The following FASN variants were observed in gnomAD, a reference collection of about 807,000 sequenced individuals.
FASN encodes the protein fatty acid synthase, also known as 3-hydroxyacyl-[acyl-carrier-protein] dehydratase.
In FASN, 50 loss-of-function variants were observed where a neutral mutation model predicts 250.0. The ratio of observed to expected loss-of-function variants is 0.20; its 90% CI spans 0.16 to 0.25. FASN has a LOEUF of 0.25. Among genes scored for constraint, FASN ranks in the 10% least tolerant of loss-of-function variants. The pLI, the probability that FASN is intolerant of heterozygous loss-of-function variation, is 1.00. For missense variants in FASN, 3,031 were observed against 3,498.5 expected (o/e 0.87, Z 3.37); for synonymous variants, 1,909 against 1,584.0 (o/e 1.21, Z -4.87).
chr17:82,096,203 G>T, intron 2 of FASN, 116 bp downstream of exon 2: 1 of 1,524,404 alleles, frequency 6.6e-7, no homozygotes, highest in Non-Finnish European at 9.0e-7. Context: ...AGCTGGGACC[G>T]GCCTCAGGCC....
At chr17:82,088,942 C>T (rs752593097) in intron 14 of FASN, 27 bp downstream of exon 14, 38 of 1,607,464 alleles carry the variant, frequency 2.4e-5, no homozygotes, top group South Asian at 3.3e-5. Context: ...AGGCTCCCGG[C>T]GCCTGCTGCC....
In FASN at chr17:82,080,798, C is replaced by A. The variant is rs749658578; in HGVS notation, c.6720G>T (p.Ser2240=). The A allele has an allele frequency of 6.2e-7, 1 of 1,607,078 alleles. No individual in the cohort carries two copies. Among genetic ancestry groups the A allele is most frequent in the East Asian group, 2.2e-5 (1 of 44,674 alleles). Residue 2240 remains serine (S), a synonymous_variant, in exon 39 of 43, where the codon TCG becomes TCT. Transcript: ENST00000306749. ...GGTGCACCAGGAACAGGGGCCGCTC[C>A]GAGCTCTGCACGGAGTTGAGCCGCA... The part of the protein sequence containing the change: ...TLMRLNSVQS[S]ERPLFLVHPI...
At position 82,083,969 on chromosome 17, in the gene FASN, C is replaced by A; in HGVS notation, c.5098+6G>T. 3 of 1,541,828 alleles carry A rather than the reference C, an allele frequency of 1.9e-6. No homozygotes were observed. Among genetic ancestry groups the A allele is most frequent in the Non-Finnish European group, 2.6e-6 (3 of 1,146,074 alleles). On this transcript the variant is annotated splice_donor_region_variant and intron_variant, in intron 29 of 42. Transcript: ENST00000306749. Reference sequence around the variant, plus strand: ...GCAGCGGGAGGCACCGGGGGCGGGGCCTTACCCACGGTGGTGAAGACGCGG... The same window carrying A: ...GCAGCGGGAGGCACCGGGGGCGGGGACTTACCCACGGTGGTGAAGACGCGG...
chr17:82,079,684 CTT>C (rs904396780), intron 41 of FASN, 76 bp from the exon 42 acceptor site: 54 of 1,228,904 alleles, frequency 4.4e-5, no homozygotes, highest in Admixed American at 1.7e-4. Flanking sequence ...TGCGGGTGGG[CTT>C]TTTTTTTTTG....
In FASN at chr17:82,083,089, C is replaced by T. The variant is rs754336677; in HGVS notation, c.5592G>A (p.Val1864=). The T allele has an allele frequency of 2.0e-5, 33 of 1,611,018 alleles. No homozygotes were observed. The African/African-American group carries it at 4.1e-4, about 20-fold the overall frequency. ...TCAGCTTGGGTTTGGCCCCCTTCAG[C>T]ACTGCCTCCGGCTCCTCCGCAAGCA... is the stretch of plus-strand genomic sequence containing the variant. ...VQVLAEEPEA[V]LKGAKPKLMS... is the part of the protein sequence containing the mutation. Residue 1864 remains valine (V), a synonymous_variant, in exon 33 of 43, where the codon GTG becomes GTA. Transcript: ENST00000306749.
rs1369347991 is a variant in FASN, at chr17:82,091,258, G to A, written c.1456C>T (p.Pro486Ser). The A allele has an allele frequency of 3.1e-6, 5 of 1,602,126 alleles. No homozygotes were observed. Among genetic ancestry groups the A allele is most frequent in the Non-Finnish European group, 4.3e-6 (5 of 1,174,598 alleles). Residue 486 changes from proline to serine, a missense_variant, in exon 9 of 43, where the codon CCC (proline) becomes TCC (serine). By Grantham distance (74) the Pro-to-Ser change is moderately conservative. Coordinates refer to ENST00000306749, the MANE Select transcript of FASN (RefSeq NM_004104.5). The part of the protein sequence containing the change: ...ERGGPEVQQV[P>S]AGERPLWFIC... ...AACCAGAGCGGGCGCTCGCCAGCGG[G>A]CACCTGCTGCACCTCTGGGCCACCG...
chr17:82,086,475 G>T lies in FASN; in HGVS notation c.3511C>A (p.Arg1171=). Reference sequence around the variant, plus strand: ...GGCAGTTCCTGCTGTGAGGGGTCCCGGGGGATCTGGGCCCCATCCAGTCCG... The same window carrying T: ...GGCAGTTCCTGCTGTGAGGGGTCCCTGGGGATCTGGGCCCCATCCAGTCCG... ...VPGLDGAQIP[R]DPSQQELPRL... The change falls in exon 22 of 43, where the codon CGG becomes AGG. Residue 1171 remains arginine (R), a synonymous_variant. Coordinates refer to ENST00000306749, the MANE Select transcript of FASN (RefSeq NM_004104.5). 2 of 1,612,214 alleles carry T rather than the reference G, an allele frequency of 1.2e-6. No individual in the cohort carries two copies. Among genetic ancestry groups the T allele is most frequent in the South Asian group, 2.2e-5 (2 of 91,076 alleles).
Position 82,089,087 on chromosome 17 carries a change from G to A in FASN, c.2186C>T (p.Thr729Met), listed in dbSNP as rs202169855. Residue 729 changes from threonine to methionine, a missense_variant, in exon 14 of 43, where the codon ACG becomes ATG. Thr to Met is a moderately conservative substitution (Grantham distance 81, BLOSUM62 -1). Coordinates refer to ENST00000306749, the MANE Select transcript of FASN (RefSeq NM_004104.5). ...GTTGACATTGTACTCGGCGGAGGAC[G>A]TGCGTGCCAGGCTGCTGTGCCACTG... Reference protein sequence around the residue: ...EAQWHSSLARTSSAEYNVNNL... With the variant: ...EAQWHSSLARMSSAEYNVNNL... 2.0e-4 allele frequency: 312 copies of A among 1,576,564 alleles called. No homozygotes were observed. The highest frequency in any genetic ancestry group is 2.3e-4 in the Non-Finnish European group (264 of 1,161,968).
intron 3 of FASN, 45 bp from the exon 4 acceptor site, chr17:82,093,816 G>A (rs781760751): frequency 1.2e-5 from 19 of 1,588,924 alleles, no homozygotes; most frequent in East Asian, 6.8e-5. Flanking sequence ...GCCCCACAGC[G>A]CAGCCAGCCC....
chr17:82,097,089 T>C (rs1428077339), intron 1 of FASN, among the ~76,000 whole-genome samples: 1 of 152,170 alleles, frequency 6.6e-6, no homozygotes, highest in Non-Finnish European at 1.5e-5. Context: ...GGATAGCCTA[T>C]GCTCTGGGGG....
Position 82,083,189 on chromosome 17 carries a change from C to T in FASN, c.5565+13G>A. 5.6e-6 allele frequency: 9 copies of T among 1,612,192 alleles called. No homozygotes were observed. The highest frequency in any genetic ancestry group is 7.6e-6 in the Non-Finnish European group (9 of 1,179,962). On this transcript the variant is annotated intron_variant, in intron 32 of 42. Coordinates refer to ENST00000306749, the MANE Select transcript of FASN (RefSeq NM_004104.5). Reference sequence around the variant, plus strand: ...GCCTGGGGTGCCCGAGGCGCCGGGACTCCTCCCCTCACCTGCACGACGACT... The same window carrying T: ...GCCTGGGGTGCCCGAGGCGCCGGGATTCCTCCCCTCACCTGCACGACGACT...
In FASN at chr17:82,088,297, G is replaced by A. The variant is rs149610481; in HGVS notation, c.2604C>T (p.Ser868=). The A allele has an allele frequency of 3.1e-5, 50 of 1,606,710 alleles. No homozygotes were observed. The African/African-American group carries it at 5.1e-4, about 16-fold the overall frequency. The change falls in exon 17 of 43, where the codon TCC becomes TCT. Residue 868 remains serine (S), a synonymous_variant. Transcript: ENST00000306749. ...SAAIYNIDTS[S]ESPDHYLVDH... ...CCACCAGGTAGTGGTCAGGAGACTCGGAGCTGGTGTCTGCGGGAGGGCACA... is the reference window on the plus strand; with the variant it reads ...CCACCAGGTAGTGGTCAGGAGACTCAGAGCTGGTGTCTGCGGGAGGGCACA...
rs771589659 is a variant in FASN, at chr17:82,083,657, CCAGA to C, written c.5219-22_5219-19del. 34 of 1,604,706 alleles carry C rather than the reference CCAGA, an allele frequency of 2.1e-5. No individual in the cohort carries two copies. Among genetic ancestry groups the C allele is most frequent in the Non-Finnish European group, 2.8e-5 (33 of 1,176,824 alleles). On this transcript the variant is annotated intron_variant, in intron 30 of 42. Transcript: ENST00000306749. ...GTCAACGCCTAGGGGGCCAGAGGGG[CCAGA>C]CAATCACACCCACTGCAAGCCCAGC...
chr17:82,088,707 C>A, intron 15 of FASN, 54 bp downstream of exon 15: 1 of 1,553,354 alleles, frequency 6.4e-7, no homozygotes, highest in South Asian at 1.1e-5. Context: ...CGCTCACCCA[C>A]CCCACGCCGT....
rs372089187 is a variant in FASN, at chr17:82,085,496, C to T, written c.4108G>A (p.Gly1370Ser). The change falls in exon 23 of 43, where the codon GGC becomes AGC. Residue 1370 changes from glycine (G) to serine (S), a missense_variant. By Grantham distance (56) the Gly-to-Ser change is moderately conservative. Coordinates refer to ENST00000306749, the MANE Select transcript of FASN (RefSeq NM_004104.5). ...GGCGGCCGCACCTGGCTCAGGATGC[C>T]CTGGCCATACTGCGGCTCAGTGGAG... is the stretch of plus-strand genomic sequence containing the variant. Reference protein sequence around the residue: ...LTSTEPQYGQGILSQDAWESL... With the variant: ...LTSTEPQYGQSILSQDAWESL... 9.0e-5 allele frequency: 143 copies of T among 1,593,292 alleles called. No individual in the cohort carries two copies. Among genetic ancestry groups the T allele is most frequent in the Non-Finnish European group, 1.9e-5 (22 of 1,170,874 alleles).
chr17:82,086,742 C>T (rs1052303028), intron 21 of FASN, among the ~76,000 whole-genome samples, 184 bp from the exon 22 acceptor site: 8 of 152,210 alleles, frequency 5.3e-5, no homozygotes, highest in East Asian at 1.9e-4. Context: ...CCACTGTGGA[C>T]GCAGTGAGGG....
chr17:82,082,762 C>T (rs899933452), intron 33 of FASN, 84 bp from the exon 34 acceptor site: 30 of 1,573,032 alleles, frequency 1.9e-5, no homozygotes, highest in Middle Eastern at 2.0e-4. Flanking sequence ...GGGGAGCAGC[C>T]GCAGAGCCCC....
intron 37 of FASN, 76 bp from the exon 38 acceptor site, chr17:82,081,428 G>A (rs941948616): frequency 1.0e-5 from 16 of 1,563,080 alleles, no homozygotes; most frequent in Non-Finnish European, 1.2e-5. Flanking sequence ...CTGACACCCA[G>A]GGGTGCGTGG....
rs781674111 is a variant in FASN at position 82,081,791 on chromosome 17, C to A, written c.6216G>T (p.Thr2072=). The change falls in exon 37 of 43, where the codon ACG becomes ACT. Residue 2072 remains threonine, a synonymous_variant. Transcript: ENST00000306749. ...TGACGATCGTGTCGTTGGTGCTCAT[C>A]GTCTCCACCAAAATGCCCACGTCGC... ...AIGDVGILVE[T]MSTNDTIVSG... The A allele has an allele frequency of 3.1e-6, 5 of 1,612,312 alleles. No homozygotes were observed. The highest frequency in any genetic ancestry group is 1.1e-5 in the South Asian group (1 of 91,066).
Sources: allele counts gnomAD v4.1 joint callset (sites outside exome capture counted in the v4.1 genomes callset), GRCh38; gene constraint gnomAD v4.1.1; transcripts MANE v1.5; gene names NCBI Gene and HGNC (gene_info 2026-07-23, HGNC 2026-07-21).